Variants in AKT3 observed in about 807,000 individuals in gnomAD.
The protein encoded by AKT3 is RAC-gamma serine/threonine-protein kinase.
In AKT3, 15 loss-of-function variants were observed where a neutral mutation model predicts 65.3. The observed-to-expected ratio is 0.23, with a 90% CI of 0.15 to 0.35. The LOEUF is 0.35. AKT3 is among the 10% of genes least tolerant of loss of function. The probability of loss-of-function intolerance (pLI) is 1.00; values close to 1 mark genes in which losing one functional copy is unlikely to be tolerated. For missense variants in AKT3, 243 were observed against 576.5 expected, an observed-to-expected ratio of 0.42 and a Z score of 5.92; for synonymous variants, 206 against 183.8, an observed-to-expected ratio of 1.12 and a Z score of -0.98.
intron 3 of AKT3, among the ~76,000 whole-genome samples, chr1:243,680,361 T>C (rs1310785070): frequency 1.3e-5 from 2 of 152,084 alleles, no homozygotes. Flanking sequence ...AGAAACATTA[T>C]TGTAATAAAG....
rs558070445 is a variant in AKT3, at chr1:243,682,977, A to G, written c.172+12614T>C. Among the ~76,000 whole-genome samples the G allele has an allele frequency of 5.3e-5, 8 of 152,282 alleles. No individual in the cohort carries two copies. In the South Asian group the frequency reaches 1.4e-3, roughly 28 times the overall value. On this transcript the variant is annotated intron_variant, in intron 3 of 13. Transcript: ENST00000673466. ...AGCCATAAAACATCTCAAAATACCAATCCCAAGGGTCTGTGGCATATTTTT... is the reference window on the plus strand; with the variant it reads ...AGCCATAAAACATCTCAAAATACCAGTCCCAAGGGTCTGTGGCATATTTTT...
At chr1:243,649,298 ATATGT>A (rs1435366263) in intron 4 of AKT3, among the ~76,000 whole-genome samples, 11 of 145,096 alleles carry the variant, frequency 7.6e-5, no homozygotes, top group Non-Finnish European at 1.5e-4. Context: ...ATGACCAAGA[ATATGT>A]TATGTGTATA....
chr1:243,833,162 G>A (rs1012445273), intron 2 of AKT3, among the ~76,000 whole-genome samples: 3 of 152,074 alleles, frequency 2.0e-5, no homozygotes, highest in African/African-American at 7.2e-5. Flanking sequence ...TGAGGCAGGA[G>A]AATTGTTTGT....
intron 12 of AKT3, among the ~76,000 whole-genome samples, chr1:243,513,198 C>T (rs1279658373): frequency 6.6e-6 from 1 of 152,150 alleles, no homozygotes; most frequent in Non-Finnish European, 1.5e-5. Flanking sequence ...TGTGAACCTC[C>T]ACTGGTTGGG....
At chr1:243,622,032 G>C (rs1371912179) in intron 6 of AKT3, among the ~76,000 whole-genome samples, 1 of 152,166 alleles carries the variant, frequency 6.6e-6, no homozygotes, top group Non-Finnish European at 1.5e-5. Context: ...CTGAAAACTA[G>C]ACTGTGTAAC....
At chr1:243,684,964 A>G (rs994975350) in intron 3 of AKT3, among the ~76,000 whole-genome samples, 1 of 152,098 alleles carries the variant, frequency 6.6e-6, no homozygotes, top group Non-Finnish European at 1.5e-5. Context: ...TCTTTTGCAT[A>G]GTGTTTGTTC....
At chr1:243,609,494 C>A (rs965443592) in intron 8 of AKT3, among the ~76,000 whole-genome samples, 1 of 151,990 alleles carries the variant, frequency 6.6e-6, no homozygotes, top group Admixed American at 6.5e-5. Context: ...CCCGTTTCTA[C>A]TAAAAATACA....
At chr1:243,553,233 G>A (rs151120449) in intron 10 of AKT3, among the ~76,000 whole-genome samples, 85 of 151,274 alleles carry the variant, frequency 5.6e-4, no homozygotes, top group Admixed American at 2.8e-3. Context: ...AATGAAAAAC[G>A]TTAGCTAGCA....
At chr1:243,624,367 G>A (rs985158310) in intron 6 of AKT3, among the ~76,000 whole-genome samples, 2 of 152,250 alleles carry the variant, frequency 1.3e-5, no homozygotes, top group South Asian at 2.1e-4. Context: ...CACTGGTAAC[G>A]TGTACTTTTT....
At chr1:243,653,268 C>T (rs752881340) in intron 4 of AKT3, among the ~76,000 whole-genome samples, 13 of 152,138 alleles carry the variant, frequency 8.5e-5, no homozygotes, top group Non-Finnish European at 1.8e-4. Flanking sequence ...AATTCCTGGA[C>T]ACATACAACC....
At chr1:243,541,164 C>T (rs2148438563) in intron 12 of AKT3, among the ~76,000 whole-genome samples, 1 of 152,242 alleles carries the variant, frequency 6.6e-6, no homozygotes, top group Non-Finnish European at 1.5e-5. Context: ...TCTGAATGAG[C>T]AATTTTCACT....
chr1:243,845,585 T>C, intron 1 of AKT3, among the ~76,000 whole-genome samples: 1 of 13,284 alleles, frequency 7.5e-5, no homozygotes, highest in African/African-American at 1.4e-4. Flanking sequence ...TGAGAACCTG[T>C]CTCAAAAAAA....
intron 13 of AKT3, among the ~76,000 whole-genome samples, chr1:243,493,606 AT>A (rs1667098032): frequency 6.6e-6 from 1 of 152,052 alleles, no homozygotes; most frequent in African/African-American, 2.4e-5. Context: ...TAGTCCCCTC[AT>A]ATGAATCACT....
chr1:243,659,984 G>T (rs1440974199), intron 4 of AKT3, among the ~76,000 whole-genome samples: 3 of 152,078 alleles, frequency 2.0e-5, no homozygotes, highest in Non-Finnish European at 2.9e-5. Context: ...TCAGGATGAT[G>T]CTGGCCTCAT....
At chr1:243,642,346 G>A (rs1680461517) in intron 5 of AKT3, among the ~76,000 whole-genome samples, 1 of 152,156 alleles carries the variant, frequency 6.6e-6, no homozygotes. Flanking sequence ...GTCTCGCTCT[G>A]TCGCCCAGGC....
chr1:243,653,073 G>T (rs1464641928), intron 4 of AKT3, among the ~76,000 whole-genome samples: 2 of 151,648 alleles, frequency 1.3e-5, no homozygotes, highest in African/African-American at 4.8e-5. Flanking sequence ...CTGGTTTTTT[G>T]AAAAGATCAA....
chr1:243,692,322 C>A (rs2148013585), intron 3 of AKT3, among the ~76,000 whole-genome samples: 1 of 152,252 alleles, frequency 6.6e-6, no homozygotes, highest in South Asian at 2.1e-4. Flanking sequence ...CCTGAAGACA[C>A]AGGGACAGAG....
intron 5 of AKT3, among the ~76,000 whole-genome samples, chr1:243,644,924 C>G (rs1455155673): frequency 2.0e-5 from 3 of 152,050 alleles, no homozygotes; most frequent in African/African-American, 4.8e-5. Flanking sequence ...GTTCAACAAA[C>G]AAACAGAGTA....
At chr1:243,694,698 T>C (rs1422375207) in intron 3 of AKT3, among the ~76,000 whole-genome samples, 1 of 152,008 alleles carries the variant, frequency 6.6e-6, no homozygotes, top group East Asian at 1.9e-4. Flanking sequence ...ACGGCTTTTA[T>C]AATGGTAAAA....
Sources: allele counts gnomAD v4.1 joint callset (sites outside exome capture counted in the v4.1 genomes callset), GRCh38; gene constraint gnomAD v4.1.1; transcripts MANE v1.5; gene names NCBI Gene and HGNC (gene_info 2026-07-23, HGNC 2026-07-21).